The following DGKB variants were observed in gnomAD, a reference collection of about 807,000 sequenced individuals.
DGKB encodes the protein diacylglycerol kinase beta.
Under a neutral mutation model 114.3 loss-of-function variants are expected in DGKB, and 67 were observed. That is an observed-to-expected ratio of 0.59 (90% CI 0.48 to 0.72). The LOEUF (loss-of-function observed/expected upper bound fraction) is 0.72, where lower values mean the gene tolerates loss of function less well. DGKB is among the 30% of genes least tolerant of loss of function. The probability of loss-of-function intolerance (pLI) is 0.00; values close to 1 mark genes in which losing one functional copy is unlikely to be tolerated. For missense variants in DGKB, 907 were observed against 975.2 expected, an observed-to-expected ratio of 0.93 and a Z score of 0.93; for synonymous variants, 398 against 323.1, an observed-to-expected ratio of 1.23 and a Z score of -2.49.
intron 23 of DGKB, among the ~76,000 whole-genome samples, chr7:14,254,855 C>G (rs1338266340): frequency 6.6e-6 from 1 of 152,114 alleles, no homozygotes; most frequent in Non-Finnish European, 1.5e-5. Flanking sequence ...TTCAGCCCTT[C>G]CATAATACCT....
intron 1 of DGKB, among the ~76,000 whole-genome samples, chr7:14,926,529 T>A (rs548726856): frequency 6.6e-6 from 1 of 151,274 alleles, no homozygotes; most frequent in South Asian, 2.1e-4. Context: ...AGTGGGAGGA[T>A]CTGTGAAGAA....
intron 23 of DGKB, among the ~76,000 whole-genome samples, chr7:14,187,731 A>G (rs1463595172): frequency 2.0e-5 from 3 of 152,216 alleles, no homozygotes. Context: ...AAGCTACTCC[A>G]TAATGTTGGA....
At chr7:14,726,028 A>G (rs181421223) in intron 5 of DGKB, among the ~76,000 whole-genome samples, 1 of 152,248 alleles carries the variant, frequency 6.6e-6, no homozygotes. Context: ...TAAAATACAT[A>G]CACATATTAT....
intron 1 of DGKB, among the ~76,000 whole-genome samples, chr7:14,946,741 C>T (rs925333198): frequency 7.2e-5 from 11 of 151,788 alleles, no homozygotes; most frequent in Non-Finnish European, 1.5e-4. Context: ...AAAGCCTCTT[C>T]GGTCTTCTGA....
chr7:14,839,238 T>C (rs1233263867), intron 2 of DGKB, among the ~76,000 whole-genome samples: 1 of 152,092 alleles, frequency 6.6e-6, no homozygotes, highest in African/African-American at 2.4e-5. Flanking sequence ...TGCTCAGAAA[T>C]ATTTACTTAA....
At chr7:14,156,544 T>G (rs1178594345) in intron 25 of DGKB, among the ~76,000 whole-genome samples, 5 of 152,262 alleles carry the variant, frequency 3.3e-5, no homozygotes, top group African/African-American at 1.2e-4. Context: ...GAAATATTAT[T>G]CCTCTCTGGA....
intron 25 of DGKB, among the ~76,000 whole-genome samples, chr7:14,165,445 G>A (rs1002413100): frequency 6.6e-6 from 1 of 152,092 alleles, no homozygotes. Context: ...GCGAATTCTA[G>A]CTATTTTTTA....
intron 9 of DGKB, among the ~76,000 whole-genome samples, chr7:14,691,047 T>C (rs751412673): frequency 2.0e-5 from 3 of 152,244 alleles, no homozygotes; most frequent in Non-Finnish European, 4.4e-5. Context: ...CTATTTGGTA[T>C]AGAATCTGGT....
intron 23 of DGKB, among the ~76,000 whole-genome samples, chr7:14,180,187 C>CTGATT (rs57956873): frequency 0.24 from 35,908 of 151,818 alleles, 4,453 homozygotes; most frequent in African/African-American, 0.32. Flanking sequence ...TTTGCACGGC[C>CTGATT]TGATTCCTAA....
At chr7:14,866,248 G>C (rs1351999479) in intron 1 of DGKB, among the ~76,000 whole-genome samples, 1 of 152,076 alleles carries the variant, frequency 6.6e-6, no homozygotes, top group South Asian at 2.1e-4. Flanking sequence ...CAACTGATGA[G>C]CTTACCATGA....
intron 23 of DGKB, among the ~76,000 whole-genome samples, chr7:14,329,466 T>G (rs1282421479): frequency 6.6e-6 from 1 of 152,068 alleles, no homozygotes; most frequent in African/African-American, 2.4e-5. Flanking sequence ...TTGTAGTTTT[T>G]CTCAGTTATT....
At chr7:14,214,010 AT>A (rs1279030945) in intron 23 of DGKB, among the ~76,000 whole-genome samples, 1 of 151,322 alleles carries the variant, frequency 6.6e-6, no homozygotes, top group Admixed American at 6.6e-5. Context: ...CTCTCTTGCC[AT>A]TTATCTCTTC....
At chr7:14,618,619 C>G (rs547368193) in intron 15 of DGKB, among the ~76,000 whole-genome samples, 1 of 151,440 alleles carries the variant, frequency 6.6e-6, no homozygotes, top group African/African-American at 2.4e-5. Flanking sequence ...ATGGTGTGAG[C>G]GATGACAAAG....
chr7:14,157,810 A>C (rs1418738402), intron 25 of DGKB, among the ~76,000 whole-genome samples: 1 of 152,214 alleles, frequency 6.6e-6, no homozygotes, highest in Admixed American at 6.5e-5. Flanking sequence ...CTTTTCTTAG[A>C]GTATCTCCAA....
chr7:14,754,586 A>T (rs56006272), intron 3 of DGKB, among the ~76,000 whole-genome samples: 1 of 125,406 alleles, frequency 8.0e-6, no homozygotes, highest in Non-Finnish European at 1.6e-5. Flanking sequence ...AAGAAAAAAA[A>T]AATGTGTGGA....
chr7:14,845,572 G>C (rs1170741490), intron 1 of DGKB, among the ~76,000 whole-genome samples: 1 of 152,128 alleles, frequency 6.6e-6, no homozygotes, highest in Admixed American at 6.5e-5. Context: ...AGGAATTTTT[G>C]TTCATTTGTT....
At chr7:14,457,699 A>G (rs1832477573) in intron 21 of DGKB, among the ~76,000 whole-genome samples, 1 of 152,184 alleles carries the variant, frequency 6.6e-6, no homozygotes, top group Non-Finnish European at 1.5e-5. Context: ...ATCAAATGGG[A>G]TCAAAAGCTC....
chr7:14,628,325 G>GTGTGTGT (rs111355946), intron 14 of DGKB, among the ~76,000 whole-genome samples: 1 of 144,824 alleles, frequency 6.9e-6, no homozygotes, highest in Non-Finnish European at 1.5e-5. Flanking sequence ...GTGTGTGTGT[G>GTGTGTGT]GTGTGTATGA....
At chr7:14,937,643 G>A (rs1299287259) in intron 1 of DGKB, among the ~76,000 whole-genome samples, 1 of 151,956 alleles carries the variant, frequency 6.6e-6, no homozygotes, top group Non-Finnish European at 1.5e-5. Context: ...CTGTTTTTGT[G>A]GTTTCTCCCT....
Sources: allele counts gnomAD v4.1 joint callset (sites outside exome capture counted in the v4.1 genomes callset), GRCh38; gene constraint gnomAD v4.1.1; transcripts MANE v1.5; gene names NCBI Gene and HGNC (gene_info 2026-07-23, HGNC 2026-07-21).